CDH3: variants seen among roughly 807,000 people sequenced by gnomAD.
The protein encoded by CDH3 is cadherin 3.
CDH3 carries 54 observed loss-of-function variants against 82.0 expected under a neutral mutation model. That is an observed-to-expected ratio of 0.66 (90% confidence interval 0.53 to 0.83). The LOEUF (loss-of-function observed/expected upper bound fraction) is 0.83. CDH3 is among the 40% of genes least tolerant of loss of function. The probability of loss-of-function intolerance (pLI) is 0.00; values close to 1 mark genes in which losing one functional copy is unlikely to be tolerated. For synonymous variants in CDH3, 446 were observed against 437.9 expected (o/e 1.02, Z -0.23); for missense variants, 1,054 against 1,084.6 (o/e 0.97, Z 0.40).
chr16:68,718,156 G>T (rs111568284), intron 1 of CDH3, among the ~76,000 whole-genome samples: 1 of 151,788 alleles, frequency 6.6e-6, no homozygotes, highest in African/African-American at 2.4e-5. Context: ...CTACAGGCAC[G>T]TGCCACTCTG....
At chr16:68,647,994 C>T (rs1960126218) in intron 2 of CDH3, among the ~76,000 whole-genome samples, 1 of 152,172 alleles carries the variant, frequency 6.6e-6, no homozygotes, top group Admixed American at 6.6e-5. Flanking sequence ...GTAATTAATG[C>T]CTTGTTTGTA....
intron 2 of CDH3, among the ~76,000 whole-genome samples, chr16:68,668,637 C>T (rs532798446): frequency 1.4e-4 from 22 of 152,340 alleles, no homozygotes; most frequent in African/African-American, 5.3e-4. Flanking sequence ...AGGACCCCTA[C>T]AAAACAGCCC....
intron 15 of CDH3, chr16:68,696,628 G>T: frequency 6.3e-6 from 1 of 159,616 alleles, no homozygotes; most frequent in South Asian, 1.9e-4. Context: ...GAAGTACTCA[G>T]ACAATTCTAG....
At chr16:68,658,434 T>G (rs1394331935) in intron 2 of CDH3, among the ~76,000 whole-genome samples, 1 of 152,110 alleles carries the variant, frequency 6.6e-6, no homozygotes, top group Admixed American at 6.6e-5. Flanking sequence ...AACTTCCCTG[T>G]GCGTGCATGG....
At chr16:68,704,811 T>C (rs1379151089), downstream of CDH3, among the ~76,000 whole-genome samples, 6 of 152,212 alleles carry the variant, frequency 3.9e-5, no homozygotes, top group Non-Finnish European at 5.9e-5. Context: ...TCCCAGCACT[T>C]TGGAAGGCCA....
intron 2 of CDH3, among the ~76,000 whole-genome samples, chr16:68,647,571 G>A (rs189513115): frequency 1.3e-5 from 2 of 152,284 alleles, no homozygotes; most frequent in East Asian, 1.9e-4. Flanking sequence ...AACAAAGGAC[G>A]GGTTAATGCG....
rs765864940 is a variant in CDH3 at position 68,679,955 on chromosome 16, C to G, written c.848C>G (p.Ser283Cys). Residue 283 changes from serine to cysteine, a missense_variant, in exon 7 of 16, where the codon TCC becomes TGC. Coordinates refer to ENST00000264012, the MANE Select transcript of CDH3 (RefSeq NM_001793.6). Reference protein sequence around the residue: ...HRSTGTISVISSGLDREKVPE... With the variant: ...HRSTGTISVICSGLDREKVPE... ...AGCACAGGCACCATCAGCGTCATCTCCAGTGGCCTGGACCGGGAAGTGAGT... is the reference window on the plus strand; with the variant it reads ...AGCACAGGCACCATCAGCGTCATCTGCAGTGGCCTGGACCGGGAAGTGAGT... The G allele has an allele frequency of 6.2e-7, 1 of 1,614,214 alleles. No homozygotes were observed. Among genetic ancestry groups the G allele is most frequent in the Non-Finnish European group, 8.5e-7 (1 of 1,180,020 alleles).
chr16:68,691,046 G>A (rs1961558720), intron 12 of CDH3, among the ~76,000 whole-genome samples: 2 of 135,526 alleles, frequency 1.5e-5, no homozygotes, highest in South Asian at 2.3e-4. Flanking sequence ...CTGCTCTGTC[G>A]CCAGGCTGGA....
chr16:68,695,945 G>A (rs558554665), intron 15 of CDH3, 22 bp downstream of exon 15: 24 of 1,613,096 alleles, frequency 1.5e-5, no homozygotes, highest in Middle Eastern at 1.7e-4. Context: ...CAGGCCAGTC[G>A]AGGGCCACCC....
intron 11 of CDH3, among the ~76,000 whole-genome samples, chr16:68,686,931 G>A (rs1336149317): frequency 6.6e-6 from 1 of 152,214 alleles, no homozygotes; most frequent in African/African-American, 2.4e-5. Flanking sequence ...TTGTGCCACT[G>A]CACTCCAGCC....
At chr16:68,689,951 A>G (rs1961519895) in intron 12 of CDH3, among the ~76,000 whole-genome samples, 2 of 152,170 alleles carry the variant, frequency 1.3e-5, no homozygotes, top group African/African-American at 4.8e-5. Context: ...GCATGATGAA[A>G]AAACTTCCAC....
chr16:68,677,800 C>T (rs989127877), intron 3 of CDH3, among the ~76,000 whole-genome samples: 1 of 152,154 alleles, frequency 6.6e-6, no homozygotes, highest in Non-Finnish European at 1.5e-5. Context: ...CATACTCATT[C>T]TTATTTTTAG....
intron 1 of CDH3, among the ~76,000 whole-genome samples, chr16:68,711,014 G>A (rs906262574): frequency 8.8e-6 from 1 of 114,032 alleles, no homozygotes; most frequent in Non-Finnish European, 1.9e-5. Context: ...GAGGGGAGGG[G>A]AGGGGAGGGG....
chr16:68,723,669 G>A (rs7184242), intron 2 of CDH3, among the ~76,000 whole-genome samples: 36,750 of 152,130 alleles, frequency 0.24, 4,757 homozygotes, highest in Admixed American at 0.28. Context: ...GGTGGCTCAC[G>A]CCTGTAATCT....
intron 2 of CDH3, among the ~76,000 whole-genome samples, chr16:68,674,517 G>C (rs1482519803): frequency 6.6e-6 from 1 of 152,164 alleles, no homozygotes; most frequent in East Asian, 1.9e-4. Flanking sequence ...AGAAGTGCTT[G>C]AGCCCAGGAG....
At chr16:68,723,837 AG>A (rs2152111516) in intron 2 of CDH3, among the ~76,000 whole-genome samples, 1 of 152,272 alleles carries the variant, frequency 6.6e-6, no homozygotes, top group Admixed American at 6.5e-5. Context: ...TGGGAGGCCG[AG>A]GTGGGTGGAT....
intron 2 of CDH3, among the ~76,000 whole-genome samples, chr16:68,675,138 A>C (rs1960994514): frequency 6.6e-6 from 1 of 151,930 alleles, no homozygotes; most frequent in South Asian, 2.1e-4. Flanking sequence ...GTAAAAATTG[A>C]AAGAAAAAAA....
intron 2 of CDH3, among the ~76,000 whole-genome samples, chr16:68,654,135 T>A (rs1355134198): frequency 6.8e-6 from 1 of 147,414 alleles, no homozygotes; most frequent in South Asian, 2.2e-4. Flanking sequence ...TCTCGGCTCA[T>A]TGTAAACTCC....
At chr16:68,711,459 A>G (rs1323048265) in intron 1 of CDH3, among the ~76,000 whole-genome samples, 1 of 152,142 alleles carries the variant, frequency 6.6e-6, no homozygotes, top group East Asian at 1.9e-4. Context: ...TGAGTGAGGA[A>G]GTTCAGGTGC....
Sources: allele counts gnomAD v4.1 joint callset (sites outside exome capture counted in the v4.1 genomes callset), GRCh38; gene constraint gnomAD v4.1.1; transcripts MANE v1.5; gene names NCBI Gene and HGNC (gene_info 2026-07-23, HGNC 2026-07-21).